Variants in ITPR1 observed in about 807,000 individuals in gnomAD.
ITPR1 encodes inositol 1,4,5-trisphosphate receptor type 1, also known as inositol 1,4,5-trisphosphate-gated calcium channel ITPR1.
Under a neutral mutation model 318.4 loss-of-function variants are expected in ITPR1, and 96 were observed. The observed-to-expected ratio is 0.30, with a 90% confidence interval of 0.26 to 0.36. ITPR1 has a LOEUF of 0.36. ITPR1 is among the 10% of genes least tolerant of loss of function. The pLI, the probability that ITPR1 is intolerant of heterozygous loss-of-function variation, is 1.00. For missense variants in ITPR1, 2,440 were observed against 3,460.2 expected (o/e 0.71, Z 7.40); for synonymous variants, 1,312 against 1,289.9 (o/e 1.02, Z -0.37).
intron 49 of ITPR1, among the ~76,000 whole-genome samples, chr3:4,781,741 G>C (rs2046850606): frequency 6.6e-6 from 1 of 152,196 alleles, no homozygotes; most frequent in African/African-American, 2.4e-5. Flanking sequence ...GCAGCACTTT[G>C]GGAGGCTGAG....
At chr3:4,575,036 A>G (rs2088480031) in intron 4 of ITPR1, among the ~76,000 whole-genome samples, 1 of 152,256 alleles carries the variant, frequency 6.6e-6, no homozygotes. Flanking sequence ...GTGTACGTTT[A>G]TGAAAATTCA....
chr3:4,530,408 T>C (rs1281024223), intron 4 of ITPR1, among the ~76,000 whole-genome samples: 1 of 152,230 alleles, frequency 6.6e-6, no homozygotes, highest in Non-Finnish European at 1.5e-5. Flanking sequence ...TTAAATTGAA[T>C]GGCCGCTGAT....
intron 2 of ITPR1, among the ~76,000 whole-genome samples, chr3:4,495,357 G>T (rs1441740288): frequency 2.0e-5 from 3 of 152,090 alleles, no homozygotes; most frequent in Non-Finnish European, 4.4e-5. Flanking sequence ...GCTGTTCCCT[G>T]GGCTACAATC....
At chr3:4,620,002 G>A (rs2686609) in intron 4 of ITPR1, among the ~76,000 whole-genome samples, 67,132 of 151,280 alleles carry the variant, frequency 0.44, 16,373 homozygotes, top group East Asian at 0.75. Context: ...TTCACTTTTG[G>A]TTATTATTTC....
chr3:4,509,033 C>T (rs530317289), intron 2 of ITPR1, among the ~76,000 whole-genome samples: 6 of 152,264 alleles, frequency 3.9e-5, no homozygotes, highest in Admixed American at 2.6e-4. Context: ...GGAACAAAAA[C>T]GAATGTTTTC....
At chr3:4,521,820 A>G (rs1387393194) in intron 4 of ITPR1, among the ~76,000 whole-genome samples, 1 of 152,184 alleles carries the variant, frequency 6.6e-6, no homozygotes, top group Non-Finnish European at 1.5e-5. Flanking sequence ...CTGTGAACCG[A>G]GATCGCACCA....
At chr3:4,608,730 G>A (rs572714247) in intron 4 of ITPR1, among the ~76,000 whole-genome samples, 25 of 151,974 alleles carry the variant, frequency 1.6e-4, no homozygotes, top group Admixed American at 3.9e-4. Context: ...GCCCGGGCAC[G>A]GTGGCTCATG....
intron 44 of ITPR1, chr3:4,735,595 G>C (rs748578729): frequency 2.0e-6 from 1 of 503,006 alleles, no homozygotes; most frequent in Non-Finnish European, 3.5e-6. Flanking sequence ...CTGAGAATAC[G>C]CAAAGGAAAC....
intron 2 of ITPR1, among the ~76,000 whole-genome samples, chr3:4,503,722 C>T (rs1359346110): frequency 6.6e-6 from 1 of 152,096 alleles, no homozygotes; most frequent in Admixed American, 6.5e-5. Flanking sequence ...CCTCTCTGCC[C>T]TAGAATGTCA....
chr3:4,684,930 G>T (rs926226711), intron 29 of ITPR1, 139 bp from the exon 30 acceptor site: 6 of 754,768 alleles, frequency 7.9e-6, no homozygotes, highest in Admixed American at 2.3e-5. Context: ...CAACAGAAAT[G>T]CCACATACTG....
At position 4,735,681 on chromosome 3, in the gene ITPR1, T is replaced by A. The variant is rs112680017; in HGVS notation, c.5544+327T>A. On this transcript the variant is annotated intron_variant, in intron 44 of 61. Transcript: ENST00000649015. Reference sequence around the variant, plus strand: ...AGTAAATGATTGCATGAAGTTTATTTACAGTTTTTATCCAAGATTGTAGGG... The same window carrying A: ...AGTAAATGATTGCATGAAGTTTATTAACAGTTTTTATCCAAGATTGTAGGG... 1.3e-3 allele frequency: 362 copies of A among 276,774 alleles called. 2 individuals are homozygous for A. The highest frequency in any genetic ancestry group is 7.3e-3 in the African/African-American group (337 of 46,024). 17.1% of individuals were successfully genotyped at this position (276,774 alleles called of 1,614,324 possible). A position where few individuals can be genotyped will look rare whatever the true frequency, so the allele number is the denominator to read the frequency against.
intron 7 of ITPR1, among the ~76,000 whole-genome samples, chr3:4,642,490 A>G (rs766489687): frequency 2.0e-5 from 3 of 152,204 alleles, no homozygotes; most frequent in Non-Finnish European, 2.9e-5. Context: ...TGAACAGCCC[A>G]TTGCGTTAGG....
At chr3:4,631,700 T>A (rs1352207975) in intron 5 of ITPR1, among the ~76,000 whole-genome samples, 1 of 152,204 alleles carries the variant, frequency 6.6e-6, no homozygotes, top group Non-Finnish European at 1.5e-5. Context: ...TACACTCTTT[T>A]CTTTCTTAAG....
chr3:4,647,836 C>T (rs551615204), intron 10 of ITPR1, among the ~76,000 whole-genome samples: 6 of 152,192 alleles, frequency 3.9e-5, no homozygotes, highest in Non-Finnish European at 7.3e-5. Context: ...TGTCTTACCA[C>T]TCTTTTAACA....
intron 20 of ITPR1, among the ~76,000 whole-genome samples, chr3:4,671,135 G>A (rs1461711077): frequency 2.0e-5 from 3 of 152,226 alleles, no homozygotes; most frequent in Non-Finnish European, 4.4e-5. Context: ...CAAAAAGGAT[G>A]AGTGCTTGCC....
Position 4,787,966 on chromosome 3 carries a change from C to T in ITPR1, c.6635C>T (p.Thr2212Ile), listed in dbSNP as rs1277650530. 1 of 1,611,622 alleles carries T rather than the reference C, an allele frequency of 6.2e-7. No homozygotes were observed. Among genetic ancestry groups the T allele is most frequent in the Admixed American group, 1.7e-5 (1 of 59,838 alleles). Residue 2212 changes from threonine (T) to isoleucine (I), a missense_variant, in exon 52 of 62, where the codon ACA becomes ATA. This residue lies in a region of ITPR1 where 115 missense variants were observed against 204.5 expected (regional missense o/e 0.56). Transcript: ENST00000649015. ...AQIEIVRLDRTMEQIVFPVPS... is the reference protein window; with the variant it reads ...AQIEIVRLDRIMEQIVFPVPS... Reference sequence around the variant, plus strand: ...TCCTAGATTGTCAGATTAGACCGAACAATGGAACAGATAGTCTTTCCCGTG... The same window carrying T: ...TCCTAGATTGTCAGATTAGACCGAATAATGGAACAGATAGTCTTTCCCGTG...
intron 32 of ITPR1, among the ~76,000 whole-genome samples, chr3:4,692,229 T>G (rs1169870513): frequency 6.6e-6 from 1 of 151,918 alleles, no homozygotes; most frequent in Admixed American, 6.5e-5. Context: ...TGCCATGAGA[T>G]ACATTACTTG....
chr3:4,680,696 G>C lies in ITPR1; in HGVS notation c.3106+5G>C. ...AAGGGCCAAGTAATGTACCAGGTTA[G>C]TGATTCAGAATGGAATTTCAGCCAT... is the stretch of plus-strand genomic sequence containing the variant. On this transcript the variant is annotated splice_donor_5th_base_variant and intron_variant, in intron 25 of 61. Coordinates refer to ENST00000649015, the MANE Select transcript of ITPR1 (RefSeq NM_001378452.1). 1 of 1,605,846 alleles carries C rather than the reference G, an allele frequency of 6.2e-7. No homozygotes were observed. Among genetic ancestry groups the C allele is most frequent in the Non-Finnish European group, 8.5e-7 (1 of 1,175,752 alleles).
Position 4,752,715 on chromosome 3 carries a change from C to G in ITPR1, c.5545-13815C>G, listed in dbSNP as rs571208594. On this transcript the variant is annotated intron_variant, in intron 44 of 61. Coordinates refer to ENST00000649015, the MANE Select transcript of ITPR1 (RefSeq NM_001378452.1). Reference sequence around the variant, plus strand: ...GGCCTTACTGTGTTGACCAAGCTGGCCTTGAACTCCTGGGCTGAAGAGATC... The same window carrying G: ...GGCCTTACTGTGTTGACCAAGCTGGGCTTGAACTCCTGGGCTGAAGAGATC... Among the ~76,000 whole-genome samples the G allele has an allele frequency of 2.6e-5, 4 of 152,302 alleles. No homozygotes were observed. The East Asian group carries it at 7.7e-4, about 29-fold the overall frequency.
Sources: gnomAD v4.1 joint callset for allele counts (sites outside exome capture counted in the v4.1 genomes callset) on GRCh38, gnomAD v4.1.1 for gene constraint, gnomAD v4.1.1 regional missense constraint, MANE v1.5 for transcripts, NCBI Gene and HGNC (gene_info 2026-07-23, HGNC 2026-07-21) for gene names.